The following TASP1 variants were observed in gnomAD, a reference collection of about 807,000 sequenced individuals.
TASP1 encodes the protein threonine aspartase 1.
Under a neutral mutation model 56.6 loss-of-function variants are expected in TASP1, and 16 were observed. The observed-to-expected ratio is 0.28, with a 90% CI of 0.19 to 0.43. The LOEUF is 0.43. Among genes scored for constraint, TASP1 ranks in the 20% least tolerant of loss-of-function variants. The probability of loss-of-function intolerance (pLI) is 1.00; values close to 1 mark genes in which losing one functional copy is unlikely to be tolerated. For synonymous variants in TASP1, 179 were observed against 184.2 expected, an observed-to-expected ratio of 0.97 and a Z score of 0.23; for missense variants, 393 against 511.6, an observed-to-expected ratio of 0.77 and a Z score of 2.24.
the TASP1 span, among the ~76,000 whole-genome samples, chr20:13,209,931 C>T: frequency 6.6e-6 from 1 of 152,150 alleles, no homozygotes; most frequent in East Asian, 1.9e-4. Context: ...TACATACATG[C>T]ACAAGCATCC....
chr20:13,453,022 A>G (rs936231283), intron 11 of TASP1, among the ~76,000 whole-genome samples: 1 of 152,102 alleles, frequency 6.6e-6, no homozygotes, highest in African/African-American at 2.4e-5. Context: ...GGGTTTAGAC[A>G]TGGAATAGTT....
the TASP1 span, among the ~76,000 whole-genome samples, chr20:13,143,508 C>A: frequency 6.6e-6 from 1 of 152,170 alleles, no homozygotes; most frequent in Admixed American, 6.5e-5. Context: ...AGAGGAAGTA[C>A]CTTGCCCAAG....
At chr20:13,126,495 T>C in the TASP1 span, 6 of 1,417,394 alleles carry the variant, frequency 4.2e-6, no homozygotes, top group Non-Finnish European at 5.7e-6. Flanking sequence ...ATCAAATGTC[T>C]TTTGCTATGA....
chr20:13,362,921 C>T, the TASP1 span, among the ~76,000 whole-genome samples: 1 of 150,492 alleles, frequency 6.6e-6, no homozygotes, highest in East Asian at 1.9e-4. Context: ...CTAAGAGAAT[C>T]TTTTGTTCTA....
chr20:13,161,322 T>C, the TASP1 span, among the ~76,000 whole-genome samples: 1 of 152,160 alleles, frequency 6.6e-6, no homozygotes, highest in Non-Finnish European at 1.5e-5. Flanking sequence ...CTAGACATGT[T>C]GAGACTATGT....
the TASP1 span, among the ~76,000 whole-genome samples, chr20:13,204,512 C>T: frequency 9.0e-5 from 13 of 144,328 alleles, no homozygotes; most frequent in Non-Finnish European, 2.0e-4. Flanking sequence ...TCTTTTTAAT[C>T]CTGGATTTAT....
At chr20:13,152,992 C>A in the TASP1 span, among the ~76,000 whole-genome samples, 1 of 152,236 alleles carries the variant, frequency 6.6e-6, no homozygotes, top group African/African-American at 2.4e-5. Context: ...GTCTGAACAT[C>A]TCACCACTCA....
chr20:13,463,121 T>C (rs2044117511), intron 11 of TASP1, among the ~76,000 whole-genome samples: 1 of 152,044 alleles, frequency 6.6e-6, no homozygotes, highest in East Asian at 1.9e-4. Context: ...CAAAACTTAG[T>C]ATGATGCCAC....
At chr20:13,438,919 T>G (rs1234193084) in intron 11 of TASP1, among the ~76,000 whole-genome samples, 3 of 152,228 alleles carry the variant, frequency 2.0e-5, no homozygotes, top group African/African-American at 7.2e-5. Context: ...TCATCATCAC[T>G]GGCCATTAGA....
the TASP1 span, among the ~76,000 whole-genome samples, chr20:13,257,169 T>C: frequency 2.6e-5 from 4 of 152,334 alleles, no homozygotes; most frequent in Non-Finnish European, 4.4e-5. Flanking sequence ...TTTTCCTGTA[T>C]GTCTTATTGG....
chr20:13,292,140 T>C, the TASP1 span, among the ~76,000 whole-genome samples: 1 of 152,208 alleles, frequency 6.6e-6, no homozygotes. Context: ...TTCCTAGGAC[T>C]TATTCAGGCA....
At chr20:13,178,405 T>C in the TASP1 span, among the ~76,000 whole-genome samples, 7 of 152,098 alleles carry the variant, frequency 4.6e-5, no homozygotes, top group African/African-American at 1.7e-4. Context: ...ACTAGGTATA[T>C]ATCCAAAAGA....
intron 11 of TASP1, among the ~76,000 whole-genome samples, chr20:13,441,452 GGCTGA>G (rs2043209234): frequency 6.6e-6 from 1 of 152,130 alleles, no homozygotes; most frequent in Non-Finnish European, 1.5e-5. Flanking sequence ...GTGTCACTGG[GGCTGA>G]GCCTTGTCTA....
intron 9 of TASP1, among the ~76,000 whole-genome samples, chr20:13,530,301 A>G (rs1328674426): frequency 5.3e-5 from 8 of 152,182 alleles, no homozygotes; most frequent in Admixed American, 5.2e-4. Context: ...TACTCTCAAT[A>G]TGGTAGACAT....
At chr20:13,601,383 C>G (rs570580445) in intron 4 of TASP1, among the ~76,000 whole-genome samples, 18 of 152,082 alleles carry the variant, frequency 1.2e-4, no homozygotes, top group Admixed American at 1.0e-3. Context: ...ATCAAAGGGC[C>G]ACAAGGGCCA....
At position 13,531,765 on chromosome 20, in the gene TASP1, G is replaced by A. The variant is rs568881782; in HGVS notation, c.795+2257C>T. ...TGCAACCTCTGCCTCCCAGGTTCAA[G>A]CGATTCTCTTGCCTTATCCCCCCCA... On this transcript the variant is annotated intron_variant, in intron 9 of 13. Transcript: ENST00000337743. Among the ~76,000 whole-genome samples, 224 of 152,278 alleles carry A rather than the reference G, an allele frequency of 1.5e-3. 1 individual carries two copies. Among genetic ancestry groups the A allele is most frequent in the African/African-American group, 4.8e-3 (199 of 41,562 alleles).
At chr20:13,317,052 C>T in the TASP1 span, among the ~76,000 whole-genome samples, 1 of 151,718 alleles carries the variant, frequency 6.6e-6, no homozygotes, top group African/African-American at 2.4e-5. Context: ...CCAAAACAAT[C>T]AACAAAAAAT....
At chr20:13,160,513 C>T in the TASP1 span, among the ~76,000 whole-genome samples, 4 of 152,118 alleles carry the variant, frequency 2.6e-5, no homozygotes, top group South Asian at 2.1e-4. Flanking sequence ...TAAAATATGA[C>T]CCAACTAAGC....
chr20:13,392,415 C>A (rs1053019401), intron 13 of TASP1, among the ~76,000 whole-genome samples: 2 of 152,168 alleles, frequency 1.3e-5, no homozygotes, highest in African/African-American at 4.8e-5. Context: ...CATTTCTCAT[C>A]CAGTCTTGGT....
Sources: allele counts gnomAD v4.1 joint callset (sites outside exome capture counted in the v4.1 genomes callset), GRCh38; gene constraint gnomAD v4.1.1; transcripts MANE v1.5; gene names NCBI Gene and HGNC (gene_info 2026-07-23, HGNC 2026-07-21).